The following PTPN5 variants were observed in gnomAD, a reference collection of about 807,000 sequenced individuals.
PTPN5 encodes tyrosine-protein phosphatase non-receptor type 5.
A neutral mutation model predicts 73.9 loss-of-function variants in PTPN5; 29 were observed. The observed-to-expected ratio is 0.39, with a 90% CI of 0.29 to 0.54. PTPN5 has a LOEUF of 0.54. Ranked by LOEUF, PTPN5 falls within the 20% of genes least tolerant of loss-of-function variation. PTPN5 has a pLI of 0.65. For synonymous variants in PTPN5, 267 were observed against 304.7 expected (o/e 0.88, Z 1.29); for missense variants, 652 against 751.4 (o/e 0.87, Z 1.55).
rs377616381 is a variant in PTPN5 at position 18,728,929 on chromosome 11, C to A, written c.*5G>T. Reference sequence around the variant, plus strand: ...TGCCCAGAGAACCTTGTAGGAGAAGCGCAGTCATTCTGGGGACTGGTGGGA... The same window carrying A: ...TGCCCAGAGAACCTTGTAGGAGAAGAGCAGTCATTCTGGGGACTGGTGGGA... On this transcript the variant is annotated 3_prime_UTR_variant, in exon 15 of 15. Transcript: ENST00000358540. This position sits in a 1 kb window ranked among gnomAD's most constrained non-coding sequence, Gnocchi z 4.1. 1.3e-4 allele frequency: 213 copies of A among 1,611,632 alleles called. No individual in the cohort carries two copies. Among genetic ancestry groups the A allele is most frequent in the Non-Finnish European group, 1.7e-4 (206 of 1,179,056 alleles).
intron 3 of PTPN5, among the ~76,000 whole-genome samples, chr11:18,756,331 C>T (rs1335403338): frequency 1.4e-5 from 2 of 141,664 alleles, no homozygotes; most frequent in Admixed American, 7.3e-5. Flanking sequence ...GATTCTCACT[C>T]CGTCACCCAA....
chr11:18,769,427 G>A (rs1039793275), intron 2 of PTPN5, among the ~76,000 whole-genome samples: 2 of 151,998 alleles, frequency 1.3e-5, no homozygotes, highest in African/African-American at 2.4e-5. Context: ...TTTTTGAGAC[G>A]GAGTCTCACT....
intron 1 of PTPN5, among the ~76,000 whole-genome samples, chr11:18,777,770 A>AT (rs1851227546): frequency 6.6e-6 from 1 of 152,098 alleles, no homozygotes; most frequent in Non-Finnish European, 1.5e-5. Context: ...AAACAGTGAG[A>AT]TCCCATCTCA....
At position 18,744,119 on chromosome 11, in the gene PTPN5, G is replaced by A. The variant is rs371701107; in HGVS notation, c.178C>T (p.Pro60Ser). 47 of 1,610,564 alleles carry A rather than the reference G, an allele frequency of 2.9e-5. No homozygotes were observed. The highest frequency in any genetic ancestry group is 3.3e-4 in the Middle Eastern group (2 of 6,058). The change falls in exon 4 of 15, where the codon CCT (proline) becomes TCT (serine). Residue 60 changes from proline to serine, a missense_variant. This residue lies in a region of PTPN5 where 529 missense variants were observed against 573.9 expected (regional missense o/e 0.92). Coordinates refer to ENST00000358540, the MANE Select transcript of PTPN5 (RefSeq NM_006906.2). Reference sequence around the variant, plus strand: ...GGATCTGAGGGCGGCGAGGGAGGAGGGGGTGGCGGCATCTCTCTCTGTGAG... The same window carrying A: ...GGATCTGAGGGCGGCGAGGGAGGAGAGGGTGGCGGCATCTCTCTCTGTGAG... The part of the protein sequence containing the change: ...QDSQREMPPP[P>S]PPSPPSDPAQ...
rs532000613 is a variant in PTPN5 at position 18,774,692 on chromosome 11, T to C, written c.-113-2621A>G. On this transcript the variant is annotated intron_variant, in intron 1 of 14. Coordinates refer to ENST00000358540, the MANE Select transcript of PTPN5 (RefSeq NM_006906.2). ...ATTGAGAGAGACCAGGGGCTCATGA[T>C]TGAAGCCAACACATTCTGTCCTAAA... is the stretch of plus-strand genomic sequence containing the variant. 1.2e-4 allele frequency among the ~76,000 whole-genome samples: 19 copies of C among 152,354 alleles called. No individual in the cohort carries two copies. The South Asian group carries it at 2.5e-3, about 20-fold the overall frequency.
At chr11:18,787,517 T>C (rs1220346136) in intron 1 of PTPN5, among the ~76,000 whole-genome samples, 1 of 152,192 alleles carries the variant, frequency 6.6e-6, no homozygotes, top group East Asian at 1.9e-4. Context: ...CCTTTTTCCT[T>C]ATCACTTTCC....
chr11:18,753,928 T>C (rs867044074), intron 3 of PTPN5, among the ~76,000 whole-genome samples: 1 of 152,106 alleles, frequency 6.6e-6, no homozygotes, highest in African/African-American at 2.4e-5. Context: ...CAGTACAATA[T>C]GCACAATTAA....
intron 1 of PTPN5, among the ~76,000 whole-genome samples, chr11:18,787,085 C>T (rs1851706004): frequency 6.6e-6 from 1 of 152,188 alleles, no homozygotes; most frequent in Non-Finnish European, 1.5e-5. Context: ...GTACGTTTTA[C>T]TATTTCGTCT....
chr11:18,776,251 C>T (rs1056515450), intron 1 of PTPN5, among the ~76,000 whole-genome samples: 14 of 152,160 alleles, frequency 9.2e-5, no homozygotes, highest in Non-Finnish European at 1.8e-4. Context: ...TTGCTCCTAC[C>T]TATAATGCTT....
intron 1 of PTPN5, among the ~76,000 whole-genome samples, chr11:18,787,991 A>G (rs1046230939): frequency 6.6e-6 from 1 of 152,154 alleles, no homozygotes; most frequent in Non-Finnish European, 1.5e-5. Context: ...TGGTAGATTC[A>G]TAGTCCCTAC....
At chr11:18,779,046 A>G (rs983538411) in intron 1 of PTPN5, among the ~76,000 whole-genome samples, 2 of 151,982 alleles carry the variant, frequency 1.3e-5, no homozygotes, top group African/African-American at 2.4e-5. Flanking sequence ...GCTCCTTCTC[A>G]TGGGGCTGGG....
rs192429091 is a variant in PTPN5 at position 18,733,552 on chromosome 11, G to A, written c.1080+4C>T. ...CAAGAGGCCGTCAGGGTGGGAATAC[G>A]TACCCGGATGTAGTTGGCATTGATG... On this transcript the variant is annotated splice_donor_region_variant and intron_variant, in intron 10 of 14. Transcript: ENST00000358540. The surrounding 1 kb of genome is among the most constrained non-coding windows in gnomAD (Gnocchi z 4.3). 83 of 1,614,064 alleles carry A rather than the reference G, an allele frequency of 5.1e-5. No homozygotes were observed. Among genetic ancestry groups the A allele is most frequent in the African/African-American group, 2.1e-4 (16 of 75,062 alleles).
chr11:18,762,359 T>C (rs1163215527), intron 3 of PTPN5, among the ~76,000 whole-genome samples: 2 of 152,114 alleles, frequency 1.3e-5, no homozygotes, highest in Non-Finnish European at 2.9e-5. Flanking sequence ...CCTGCAGTGC[T>C]CATGGGCTCC....
intron 9 of PTPN5, among the ~76,000 whole-genome samples, chr11:18,736,524 G>C (rs534264928): frequency 6.6e-6 from 1 of 152,328 alleles, no homozygotes; most frequent in African/African-American, 2.4e-5. Context: ...CCTGGGGCAG[G>C]AGCCGAGGAA....
At position 18,729,122 on chromosome 11, in the gene PTPN5, C is replaced by T. The variant is rs1169127207; in HGVS notation, c.1605-95G>A. 2 of 1,342,670 alleles carry T rather than the reference C, an allele frequency of 1.5e-6. No homozygotes were observed. Among genetic ancestry groups the T allele is most frequent in the Admixed American group, 1.9e-5 (1 of 51,398 alleles). The allele number at this position is 1,342,670 out of a possible 1,614,324, so 83.2% of individuals were successfully genotyped here. A position where few individuals can be genotyped will look rare whatever the true frequency, so the allele number is the denominator to read the frequency against. The stretch of plus-strand genomic sequence containing the variant: ...CATGGAGTAGCAATCACTTGCCAGG[C>T]CTTGCCCCTGTGCGTCTTGGAGAGA... On this transcript the variant is annotated intron_variant, in intron 14 of 14. Transcript: ENST00000358540. The surrounding 1 kb of genome is among the most constrained non-coding windows in gnomAD (Gnocchi z 5.2).
rs754144442 is a variant in PTPN5 at position 18,765,852 on chromosome 11, AGTCATCAGCAGCGTG to A, written c.37_51del (p.His13_Asp17del). 2.9e-4 allele frequency: 463 copies of A among 1,582,622 alleles called. 1 individual carries two copies. Among genetic ancestry groups the A allele is most frequent in the Non-Finnish European group, 3.8e-4 (443 of 1,163,662 alleles). ...CACATGTCCAGGGCCCCTCCCTCGG[AGTCATCAGCAGCGTG>A]GTTCTCTCTCTCACTCCTGCAGCAG... On this transcript the variant is annotated inframe_deletion, in exon 3 of 15. Transcript: ENST00000358540.
rs1196146727 is a variant in PTPN5, at chr11:18,742,095, G to A, written c.725+167C>T. Among the ~76,000 whole-genome samples, 1 of 152,156 alleles carries A rather than the reference G, an allele frequency of 6.6e-6. No homozygotes were observed. Among genetic ancestry groups the A allele is most frequent in the Non-Finnish European group, 1.5e-5 (1 of 68,040 alleles). On this transcript the variant is annotated intron_variant, in intron 7 of 14. Coordinates refer to ENST00000358540, the MANE Select transcript of PTPN5 (RefSeq NM_006906.2). This position sits in a 1 kb window ranked among gnomAD's most constrained non-coding sequence, Gnocchi z 4.1. ...AGTATTTCTCAGCATTCATCTTGGG[G>A]CACTTTGATCTCTATGAATGACCTG...
chr11:18,769,718 A>C (rs762742336), intron 2 of PTPN5, among the ~76,000 whole-genome samples: 2 of 152,154 alleles, frequency 1.3e-5, no homozygotes, highest in Non-Finnish European at 2.9e-5. Flanking sequence ...ACTGGTTTTT[A>C]AAATATGTTT....
At chr11:18,736,542 C>T (rs921921004) in intron 9 of PTPN5, among the ~76,000 whole-genome samples, 1 of 152,214 alleles carries the variant, frequency 6.6e-6, no homozygotes, top group Admixed American at 6.5e-5. Flanking sequence ...GAAATGTGTG[C>T]CCAGTGAATG....
Sources: allele counts gnomAD v4.1 joint callset (sites outside exome capture counted in the v4.1 genomes callset), GRCh38; gene constraint gnomAD v4.1.1; regional missense constraint gnomAD v4.1.1; non-coding constraint Gnocchi (gnomAD v3.1); transcripts MANE v1.5; gene names NCBI Gene and HGNC (gene_info 2026-07-23, HGNC 2026-07-21).